Variants in TRAF5 observed in about 807,000 individuals in gnomAD.
TRAF5 encodes TNF receptor-associated factor 5.
A neutral mutation model predicts 64.5 loss-of-function variants in TRAF5; 48 were observed. The ratio of observed to expected loss-of-function variants is 0.74; its 90% CI spans 0.59 to 0.95. The LOEUF is 0.95. Ranked by LOEUF, TRAF5 falls within the 40% of genes least tolerant of loss-of-function variation. The pLI is 0.00. For missense variants in TRAF5, 545 were observed against 662.8 expected, an observed-to-expected ratio of 0.82 and a Z score of 1.95; for synonymous variants, 206 against 240.5, an observed-to-expected ratio of 0.86 and a Z score of 1.33.
chr1:211,360,525 T>C (rs1387820914), intron 5 of TRAF5, 177 bp from the exon 6 acceptor site: 1 of 546,826 alleles, frequency 1.8e-6, no homozygotes, highest in Non-Finnish European at 3.2e-6. Context: ...ATTTAATATT[T>C]TAATTAAGTT....
intron 1 of TRAF5, among the ~76,000 whole-genome samples, chr1:211,333,291 C>T (rs529449124): frequency 5.7e-4 from 86 of 152,082 alleles, no homozygotes; most frequent in African/African-American, 1.7e-3. Flanking sequence ...CGGGTTCAAG[C>T]GATTCTCCTG....
At position 211,372,365 on chromosome 1, in the gene TRAF5, C is replaced by T. The variant is rs950762918; in HGVS notation, c.1337C>T (p.Ala446Val). ...TGTGGCTACCGGCTCTGTGCTAGAG[C>T]ATACCTGAATGGGGATGGGTCAGGG... Reference protein sequence around the residue: ...SRCGYRLCARAYLNGDGSGRG... With the variant: ...SRCGYRLCARVYLNGDGSGRG... The change falls in exon 11 of 11, where the codon GCA (alanine) becomes GTA (valine). Residue 446 changes from alanine (A) to valine (V), a missense_variant. Ala to Val is a moderately conservative substitution (Grantham distance 64, BLOSUM62 0). Transcript: ENST00000261464. 1 of 1,614,142 alleles carries T rather than the reference C, an allele frequency of 6.2e-7. No homozygotes were observed. Among genetic ancestry groups the T allele is most frequent in the Non-Finnish European group, 8.5e-7 (1 of 1,180,024 alleles).
chr1:211,353,900 T>C (rs1483981304), intron 2 of TRAF5, among the ~76,000 whole-genome samples: 1 of 152,174 alleles, frequency 6.6e-6, no homozygotes, highest in Non-Finnish European at 1.5e-5. Flanking sequence ...TGAGGGAGGA[T>C]ACCAGGAGAG....
At chr1:211,329,684 C>T (rs534409198) in intron 1 of TRAF5, among the ~76,000 whole-genome samples, 113 of 152,314 alleles carry the variant, frequency 7.4e-4, no homozygotes, top group African/African-American at 2.6e-3. Context: ...TGTCACTGAT[C>T]AGGGGTCAGT....
intron 7 of TRAF5, 58 bp downstream of exon 7, chr1:211,361,220 G>A: frequency 6.7e-7 from 1 of 1,490,138 alleles, no homozygotes; most frequent in East Asian, 2.3e-5. Context: ...CACTTGGCAA[G>A]TTCAGTTTAC....
intron 6 of TRAF5, 106 bp from the exon 7 acceptor site, chr1:211,360,982 C>T: frequency 8.3e-7 from 1 of 1,202,308 alleles, no homozygotes; most frequent in South Asian, 1.3e-5. Flanking sequence ...GGCCTCTCTC[C>T]TTCTCCTGGT....
chr1:211,354,507 G>T (rs1382468304), intron 3 of TRAF5, 40 bp downstream of exon 3: 1 of 1,599,908 alleles, frequency 6.3e-7, no homozygotes, highest in Non-Finnish European at 8.6e-7. Context: ...CTCTCAGGGT[G>T]ATGGAGAAGA....
At chr1:211,360,853 T>TCAAAC in intron 6 of TRAF5, 74 bp downstream of exon 6, 1 of 1,396,566 alleles carries the variant, frequency 7.2e-7, no homozygotes, top group Non-Finnish European at 1.0e-6. Flanking sequence ...CTGTGTTTGA[T>TCAAAC]ACAGTCCCAA....
At chr1:211,366,905 G>GTT (rs541499721) in intron 8 of TRAF5, among the ~76,000 whole-genome samples, 123 of 152,206 alleles carry the variant, frequency 8.1e-4, no homozygotes, top group Non-Finnish European at 1.4e-3. Context: ...TTGAACTAAT[G>GTT]TTTTTTTCAA....
intron 4 of TRAF5, 43 bp downstream of exon 4, chr1:211,356,511 C>T (rs777091227): frequency 7.6e-6 from 12 of 1,569,022 alleles, no homozygotes; most frequent in Non-Finnish European, 8.8e-6. Context: ...GCCATTTTTC[C>T]AGGAATGTGT....
chr1:211,367,983 G>A (rs1354463716), intron 8 of TRAF5, among the ~76,000 whole-genome samples: 3 of 152,110 alleles, frequency 2.0e-5, no homozygotes, highest in African/African-American at 7.2e-5. Flanking sequence ...TTATACACTA[G>A]AATATGGACA....
intron 5 of TRAF5, 62 bp downstream of exon 5, chr1:211,360,138 G>T: frequency 2.0e-6 from 3 of 1,478,438 alleles, no homozygotes; most frequent in Non-Finnish European, 2.8e-6. Context: ...AGTGGTCACA[G>T]TGAATCAGGT....
chr1:211,368,680 A>G (rs974078406), intron 8 of TRAF5, among the ~76,000 whole-genome samples: 1 of 152,230 alleles, frequency 6.6e-6, no homozygotes, highest in Non-Finnish European at 1.5e-5. Context: ...TGGATATGGG[A>G]ATAAGAGAAG....
chr1:211,334,384 C>T (rs1046167742), intron 1 of TRAF5, among the ~76,000 whole-genome samples: 15 of 152,158 alleles, frequency 9.9e-5, no homozygotes, highest in Admixed American at 5.9e-4. Context: ...ATTGGCTGGG[C>T]GCGGTGGCTC....
At chr1:211,349,380 C>T (rs1315971392) in intron 1 of TRAF5, among the ~76,000 whole-genome samples, 1 of 152,234 alleles carries the variant, frequency 6.6e-6, no homozygotes, top group African/African-American at 2.4e-5. Flanking sequence ...GGCTCACTTT[C>T]TGCTCCCAAG....
At chr1:211,352,572 G>A (rs745789614) in intron 1 of TRAF5, among the ~76,000 whole-genome samples, 13 of 151,526 alleles carry the variant, frequency 8.6e-5, no homozygotes, top group Admixed American at 3.3e-4. Flanking sequence ...ATTACAGTGA[G>A]CCATGATCAC....
rs1702886634 is a variant in TRAF5, at chr1:211,354,192, C to T, written c.219-218C>T. On this transcript the variant is annotated intron_variant, in intron 2 of 10. Transcript: ENST00000261464. The stretch of plus-strand genomic sequence containing the variant: ...GCTCTGTCCAGGGACTCACTGACTG[C>T]ATCCCAGAGGTTGCATGAAGTTTTT... Among the ~76,000 whole-genome samples the T allele has an allele frequency of 1.3e-5, 2 of 152,194 alleles. 1 individual carries two copies. Among genetic ancestry groups the T allele is most frequent in the South Asian group, 4.1e-4 (2 of 4,824 alleles).
At chr1:211,342,505 TTA>T (rs1266108602) in intron 1 of TRAF5, among the ~76,000 whole-genome samples, 1 of 152,174 alleles carries the variant, frequency 6.6e-6, no homozygotes, top group African/African-American at 2.4e-5. Context: ...CCCAATTCTT[TTA>T]GTTATTTTTA....
intron 8 of TRAF5, among the ~76,000 whole-genome samples, chr1:211,368,384 CATTT>C (rs1043905471): frequency 9.9e-5 from 15 of 152,182 alleles, no homozygotes; most frequent in African/African-American, 3.4e-4. Context: ...GCTGTTCATT[CATTT>C]AACAAATATT....
Sources: allele counts gnomAD v4.1 joint callset (sites outside exome capture counted in the v4.1 genomes callset), GRCh38; gene constraint gnomAD v4.1.1; transcripts MANE v1.5; gene names NCBI Gene and HGNC (gene_info 2026-07-23, HGNC 2026-07-21).